KLC2: variants seen among roughly 807,000 people sequenced by gnomAD.
KLC2 encodes the protein KLC 2.
Under a neutral mutation model 75.1 loss-of-function variants are expected in KLC2, and 35 were observed. The ratio of observed to expected loss-of-function variants is 0.47; its 90% CI spans 0.36 to 0.62. The LOEUF (loss-of-function observed/expected upper bound fraction) is 0.62, where lower values mean the gene tolerates loss of function less well. KLC2 is among the 20% of genes least tolerant of loss of function. The pLI is 0.00. For missense variants in KLC2, 611 were observed against 833.2 expected, an observed-to-expected ratio of 0.73 and a Z score of 3.28; for synonymous variants, 314 against 336.7, an observed-to-expected ratio of 0.93 and a Z score of 0.74.
At chr11:66,252,637 G>A (rs1025773348), upstream of KLC2, among the ~76,000 whole-genome samples, 4 of 152,188 alleles carry the variant, frequency 2.6e-5, no homozygotes, top group Non-Finnish European at 5.9e-5. Context: ...TACAGATGAG[G>A]AAGCAGGTAA....
chr11:66,264,539 C>T, intron 9 of KLC2, 95 bp downstream of exon 9: 2 of 934,974 alleles, frequency 2.1e-6, no homozygotes, highest in Non-Finnish European at 3.4e-6. Flanking sequence ...GGCAGGCCCT[C>T]AGGCTTTGGC....
rs750799902 is a variant in KLC2 at position 66,265,986 on chromosome 11, G to A, written c.1576G>A (p.Val526Met). 3.5e-5 allele frequency: 57 copies of A among 1,611,054 alleles called. No individual in the cohort carries two copies. In the South Asian group the frequency reaches 4.1e-4, roughly 12 times the overall value. Residue 526 changes from valine to methionine, a missense_variant, in exon 13 of 16, where the codon GTG (valine) becomes ATG (methionine). Coordinates refer to ENST00000394067, the MANE Select transcript of KLC2 (RefSeq NM_001318734.2). ...TCGGTCTGAGTCTGACCTCGAGGAC[G>A]TGGGACCTACAGCTGAGTGGAATGG... ...GPRSESDLED[V>M]GPTAEWNGDG...
In KLC2 at chr11:66,258,382, C is replaced by CA. The variant is rs2134791356; in HGVS notation, c.-11-201dup. The CA allele has an allele frequency of 6.9e-6, 4 of 580,962 alleles. No individual in the cohort carries two copies. In the East Asian group the frequency reaches 1.1e-4, roughly 17 times the overall value. 36.0% of individuals were successfully genotyped at this position (580,962 alleles called of 1,614,324 possible). A position where few individuals can be genotyped will look rare whatever the true frequency, so the allele number is the denominator to read the frequency against. On this transcript the variant is annotated intron_variant, in intron 1 of 15. Coordinates refer to ENST00000394067, the MANE Select transcript of KLC2 (RefSeq NM_001318734.2). ...CTGGGGCCGAAGCAGGATCCGGCTG[C>CA]ACCGCATTGCGTCTCCCAGGCCTAG...
the KLC2 span, among the ~76,000 whole-genome samples, chr11:66,249,936 C>T: frequency 6.6e-6 from 1 of 152,130 alleles, no homozygotes; most frequent in Admixed American, 6.5e-5. Context: ...TATCCTTTGT[C>T]GTCCTATCCT....
Position 66,264,032 on chromosome 11 carries a change from C to T in KLC2, c.943-14C>T. On this transcript the variant is annotated splice_polypyrimidine_tract_variant and intron_variant, in intron 7 of 15. Transcript: ENST00000394067. ...AGCCCTGAGCCCAACCCCTGGCTCC[C>T]TCTCCCATCCCAGGTCCTGGGCAAG... is the stretch of plus-strand genomic sequence containing the variant. 6.2e-7 allele frequency: 1 copy of T among 1,609,156 alleles called. No individual in the cohort carries two copies. The highest frequency in any genetic ancestry group is 8.5e-7 in the Non-Finnish European group (1 of 1,177,438).
rs773770514 is a variant in KLC2, at chr11:66,258,826, G to T, written c.228+4G>T. 1.2e-6 allele frequency: 2 copies of T among 1,602,078 alleles called. No homozygotes were observed. The highest frequency in any genetic ancestry group is 2.2e-5 in the South Asian group (2 of 90,808). On this transcript the variant is annotated splice_donor_region_variant and intron_variant, in intron 2 of 15. Transcript: ENST00000394067. ...GCTTGGGCTGGGGGAGGCCCAGGTA[G>T]GTCAGTCTGGGGCACTGAGGTGGGA...
intron 2 of KLC2, 109 bp from the exon 3 acceptor site, chr11:66,261,633 G>A: frequency 1.5e-6 from 1 of 656,046 alleles, no homozygotes; most frequent in South Asian, 1.9e-5. Flanking sequence ...CCTCACTGTA[G>A]GGCCAGGCCT....
chr11:66,253,635 C>T (rs1397076611), upstream of KLC2, among the ~76,000 whole-genome samples: 1 of 152,202 alleles, frequency 6.6e-6, no homozygotes. Flanking sequence ...TGGAGGAGCA[C>T]AGGACAGTGC....
At chr11:66,262,549 G>C (rs920805332) in intron 4 of KLC2, 3 of 562,100 alleles carry the variant, frequency 5.3e-6, no homozygotes, top group East Asian at 5.8e-5. Context: ...GTTATGCATC[G>C]GGGCCTCCAC....
intron 14 of KLC2, 106 bp downstream of exon 14, chr11:66,266,323 C>T: frequency 1.3e-6 from 2 of 1,486,556 alleles, no homozygotes; most frequent in Non-Finnish European, 1.8e-6. Flanking sequence ...CCATCCCTCT[C>T]AGGCTCCACC....
chr11:66,263,786 ATCCCCTGCAGG>A, intron 6 of KLC2, 39 bp downstream of exon 6: 5 of 1,602,922 alleles, frequency 3.1e-6, no homozygotes, highest in Non-Finnish European at 4.3e-6. Context: ...GCTGTGCCCC[ATCCCCTGCAGG>A]TCCCAGAGTC....
In KLC2 at chr11:66,262,108, T is replaced by G. The variant is rs768931892; in HGVS notation, c.460-15T>G. ...GTGCCTCCTTCCCTGATGCTCATCC[T>G]GTCTTCCTTCCCAGGAGGAGAAGGG... On this transcript the variant is annotated splice_polypyrimidine_tract_variant and intron_variant, in intron 3 of 15. Transcript: ENST00000394067. The G allele has an allele frequency of 1.9e-6, 3 of 1,612,636 alleles. No homozygotes were observed. In the South Asian group the frequency reaches 3.3e-5, roughly 18 times the overall value.
Position 66,258,772 on chromosome 11 carries a change from C to G in KLC2, c.178C>G (p.Leu60Val). 1 of 1,613,398 alleles carries G rather than the reference C, an allele frequency of 6.2e-7. No individual in the cohort carries two copies. Among genetic ancestry groups the G allele is most frequent in the Non-Finnish European group, 8.5e-7 (1 of 1,179,946 alleles). The change falls in exon 2 of 16, where the codon CTC (leucine) becomes GTC (valine). Residue 60 changes from leucine (L) to valine (V), a missense_variant. Coordinates refer to ENST00000394067, the MANE Select transcript of KLC2 (RefSeq NM_001318734.2). ...AEPGSQERCI[L>V]LRRSLEAIEL... ...GCCTGGCTCGCAGGAGCGCTGCATC[C>G]TCCTGCGTCGCTCCCTGGAAGCCAT...
chr11:66,258,266 TGAGC>T (rs1472676478), intron 1 of KLC2: 1 of 326,368 alleles, frequency 3.1e-6, no homozygotes, highest in Non-Finnish European at 5.8e-6. Flanking sequence ...TGCACAGGAG[TGAGC>T]CCCCACGTTC....
chr11:66,266,294 C>A, intron 14 of KLC2, 77 bp downstream of exon 14: 3 of 1,527,106 alleles, frequency 2.0e-6, no homozygotes, highest in Non-Finnish European at 2.7e-6. Context: ...GTGTGCCCCA[C>A]TGACCCCAGG....
chr11:66,246,030 G>A, the KLC2 span: 3 of 152,328 alleles, frequency 2.0e-5, no homozygotes, highest in African/African-American at 7.2e-5. Flanking sequence ...CCTGTGCCCA[G>A]ACGACCTCAC....
rs368537117 is a variant in KLC2, at chr11:66,264,021, C to A, written c.943-25C>A. 5.4e-4 allele frequency: 868 copies of A among 1,609,806 alleles called. 2 individuals carry two copies. Among genetic ancestry groups the A allele is most frequent in the Non-Finnish European group, 2.7e-4 (317 of 1,177,720 alleles). On this transcript the variant is annotated intron_variant, in intron 7 of 15. Coordinates refer to ENST00000394067, the MANE Select transcript of KLC2 (RefSeq NM_001318734.2). Reference sequence around the variant, plus strand: ...GGGGCCCGGGCAGCCCTGAGCCCAACCCCTGGCTCCCTCTCCCATCCCAGG... The same window carrying A: ...GGGGCCCGGGCAGCCCTGAGCCCAAACCCTGGCTCCCTCTCCCATCCCAGG...
At chr11:66,256,570 C>T (rs1856045880), upstream of KLC2, among the ~76,000 whole-genome samples, 1 of 152,148 alleles carries the variant, frequency 6.6e-6, no homozygotes, top group Non-Finnish European at 1.5e-5. Flanking sequence ...GCCTGGGAGA[C>T]AGACTCCATC....
chr11:66,262,780 T>C (rs1212220313), intron 4 of KLC2, 34 bp from the exon 5 acceptor site: 1 of 1,502,334 alleles, frequency 6.7e-7, no homozygotes, highest in Admixed American at 1.7e-5. Flanking sequence ...AGTGGGCAGA[T>C]GGTACATCTG....
Sources: allele counts gnomAD v4.1 joint callset (sites outside exome capture counted in the v4.1 genomes callset), GRCh38; gene constraint gnomAD v4.1.1; transcripts MANE v1.5; gene names NCBI Gene and HGNC (gene_info 2026-07-23, HGNC 2026-07-21).